The following KDM4C variants were observed in gnomAD, a reference collection of about 807,000 sequenced individuals.
KDM4C encodes the protein lysine-specific demethylase 4C.
Under a neutral mutation model 129.3 loss-of-function variants are expected in KDM4C, and 81 were observed. The ratio of observed to expected loss-of-function variants is 0.63; its 90% confidence interval spans 0.52 to 0.75. The LOEUF is 0.75. Among genes scored for constraint, KDM4C ranks in the 30% least tolerant of loss-of-function variants. KDM4C has a pLI of 0.00. For synonymous variants in KDM4C, 573 were observed against 456.1 expected (o/e 1.26, Z -3.26); for missense variants, 1,457 against 1,304.0 (o/e 1.12, Z -1.81).
In KDM4C at chr9:6,990,510, C is replaced by T. The variant is rs151291155; in HGVS notation, c.1772C>T (p.Ala591Val). 1.5e-4 allele frequency: 236 copies of T among 1,605,934 alleles called. 1 individual carries two copies. Among genetic ancestry groups the T allele is most frequent in the Middle Eastern group, 8.3e-4 (5 of 6,030 alleles). Reference protein sequence around the residue: ...RSPMTLVKQQAPSDEELPEVL... With the variant: ...RSPMTLVKQQVPSDEELPEVL... ...CCGATGACTCTTGTGAAGCAGCAGG[C>T]GCCAAGTGATGAAGGTGAGATGGTG... Residue 591 changes from alanine (A) to valine (V), a missense_variant, in exon 12 of 22, where the codon GCG becomes GTG. Coordinates refer to ENST00000381309, the MANE Select transcript of KDM4C (RefSeq NM_015061.6).
At chr9:6,960,402 C>T (rs1018547002) in intron 8 of KDM4C, among the ~76,000 whole-genome samples, 24 of 151,248 alleles carry the variant, frequency 1.6e-4, no homozygotes, top group African/African-American at 5.8e-4. Flanking sequence ...TCCTCAGTCT[C>T]CTGAGTAGCT....
In KDM4C at chr9:6,960,966, GTAGAC is replaced by G. The variant is rs144744171; in HGVS notation, c.922-19956_922-19952del. 6.6e-4 allele frequency among the ~76,000 whole-genome samples: 100 copies of G among 152,308 alleles called. 1 individual carries two copies. The highest frequency in any genetic ancestry group is 2.4e-3 in the African/African-American group (99 of 41,568). ...ACATCCATACACGCATTGTGAAACA[GTAGAC>G]TACTTATGAGCGACATGGGGTTCAG... On this transcript the variant is annotated intron_variant, in intron 8 of 21. Transcript: ENST00000381309.
chr9:6,941,714 G>C (rs539731722), intron 8 of KDM4C: 3 of 152,304 alleles, frequency 2.0e-5, no homozygotes, highest in East Asian at 1.9e-4. Flanking sequence ...ATGGCCATGC[G>C]CTCCTTACCA....
At chr9:6,721,956 A>G (rs1029502306) in intron 1 of KDM4C, among the ~76,000 whole-genome samples, 4 of 152,138 alleles carry the variant, frequency 2.6e-5, no homozygotes, top group Non-Finnish European at 4.4e-5. Context: ...TCCTGGGTGC[A>G]AGCAATCCTC....
chr9:7,062,772 G>C (rs1831889228), intron 17 of KDM4C, among the ~76,000 whole-genome samples: 1 of 151,874 alleles, frequency 6.6e-6, no homozygotes, highest in Non-Finnish European at 1.5e-5. Context: ...AATTAGATTT[G>C]TGTGTTTAGT....
intron 18 of KDM4C, among the ~76,000 whole-genome samples, chr9:7,107,211 A>G (rs770269244): frequency 2.6e-5 from 4 of 152,212 alleles, no homozygotes; most frequent in Non-Finnish European, 4.4e-5. Context: ...TTCTGGCTGT[A>G]TTTCCAAAGG....
intron 17 of KDM4C, among the ~76,000 whole-genome samples, chr9:7,094,595 G>A (rs769355877): frequency 3.3e-5 from 5 of 152,124 alleles, no homozygotes; most frequent in African/African-American, 4.8e-5. Context: ...AGAAGGGATG[G>A]GCTCTGGACT....
chr9:7,015,773 T>C, intron 14 of KDM4C, 80 bp from the exon 15 acceptor site: 1 of 946,394 alleles, frequency 1.1e-6, no homozygotes, highest in Non-Finnish European at 1.7e-6. Context: ...GTCCCATTTT[T>C]ATTTATTTCA....
At chr9:7,118,774 C>T (rs1258037539) in intron 18 of KDM4C, among the ~76,000 whole-genome samples, 1 of 151,972 alleles carries the variant, frequency 6.6e-6, no homozygotes, top group Non-Finnish European at 1.5e-5. Context: ...GGATTTACGC[C>T]CTTTATTAAC....
chr9:7,119,714 A>T (rs1048238610), intron 18 of KDM4C, among the ~76,000 whole-genome samples: 1 of 152,090 alleles, frequency 6.6e-6, no homozygotes, highest in South Asian at 2.1e-4. Flanking sequence ...TATTTTATGC[A>T]TTTGAAAACA....
intron 8 of KDM4C, chr9:6,902,803 C>T (rs1589018957): frequency 6.6e-6 from 1 of 152,316 alleles, no homozygotes; most frequent in South Asian, 2.1e-4. Context: ...GTTTTACTGA[C>T]TTCTCACTCG....
intron 1 of KDM4C, among the ~76,000 whole-genome samples, chr9:6,749,986 CAAAAAAAAAAA>C (rs57999664): frequency 1.1e-4 from 6 of 55,604 alleles, no homozygotes; most frequent in South Asian, 9.6e-4. Context: ...AACTCCTTCT[CAAAAAAAAAAA>C]AAAAAAAAAA....
intron 4 of KDM4C, among the ~76,000 whole-genome samples, chr9:6,822,375 A>G (rs1195247763): frequency 6.6e-6 from 1 of 152,206 alleles, no homozygotes; most frequent in Non-Finnish European, 1.5e-5. Flanking sequence ...TTTGAGATAG[A>G]TGGGATATAA....
chr9:6,910,491 C>T (rs1819092571), intron 8 of KDM4C, among the ~76,000 whole-genome samples: 1 of 152,110 alleles, frequency 6.6e-6, no homozygotes, highest in Non-Finnish European at 1.5e-5. Flanking sequence ...TTCACTAAAG[C>T]AGAAATATAG....
chr9:7,038,633 A>G (rs1828047694), intron 15 of KDM4C, among the ~76,000 whole-genome samples: 1 of 152,090 alleles, frequency 6.6e-6, no homozygotes, highest in Non-Finnish European at 1.5e-5. Flanking sequence ...AAATGAAATT[A>G]TAGTCGTTAT....
At position 6,808,159 on chromosome 9, in the gene KDM4C, T is replaced by C. The variant is rs62568054; in HGVS notation, c.320+2385T>C. Among the ~76,000 whole-genome samples, 291 of 40,226 alleles carry C rather than the reference T, an allele frequency of 7.2e-3. 1 individual carries two copies. Among genetic ancestry groups the C allele is most frequent in the African/African-American group, 0.019 (94 of 5,014 alleles). The allele number at this position is 40,226 out of a possible 152,430, so 26.4% of individuals were successfully genotyped here. A position where few individuals can be genotyped will look rare whatever the true frequency, so the allele number is the denominator to read the frequency against. On this transcript the variant is annotated intron_variant, in intron 3 of 21. Coordinates refer to ENST00000381309, the MANE Select transcript of KDM4C (RefSeq NM_015061.6). ...CCGCCCCTACTGGGAAGTGAGGAGC[T>C]CCTCTGCCCGGCCACCACCCCGTCT...
chr9:7,164,350 T>TAAAAAAAAAAA (rs113564814), intron 19 of KDM4C, among the ~76,000 whole-genome samples: 2 of 148,334 alleles, frequency 1.3e-5, no homozygotes, highest in Non-Finnish European at 3.0e-5. Context: ...TGCCACGCCT[T>TAAAAAAAAAAA]AAAAAAACAA....
Position 7,036,148 on chromosome 9 carries a change from C to T in KDM4C, c.2260-10714C>T, listed in dbSNP as rs569411456. Among the ~76,000 whole-genome samples, 42 of 152,144 alleles carry T rather than the reference C, an allele frequency of 2.8e-4. No homozygotes were observed. The South Asian group carries it at 7.1e-3, about 26-fold the overall frequency. On this transcript the variant is annotated intron_variant, in intron 15 of 21. Transcript: ENST00000381309. ...GATGTTTTCCCATTTATTTGTATCT[C>T]CTTCAGTTTCTTTCTTCATTTTTTT...
At chr9:7,012,408 A>G (rs939709882) in intron 13 of KDM4C, among the ~76,000 whole-genome samples, 4 of 152,186 alleles carry the variant, frequency 2.6e-5, no homozygotes, top group African/African-American at 9.7e-5. Context: ...TCTTTTACTA[A>G]GAAACACAGA....
Sources: allele counts gnomAD v4.1 joint callset (sites outside exome capture counted in the v4.1 genomes callset), GRCh38; gene constraint gnomAD v4.1.1; transcripts MANE v1.5; gene names NCBI Gene and HGNC (gene_info 2026-07-23, HGNC 2026-07-21).